Variants in TRMT61B observed in about 807,000 individuals in gnomAD.
TRMT61B encodes the protein tRNA methyltransferase 61B.
Under a neutral mutation model 52.0 loss-of-function variants are expected in TRMT61B, and 56 were observed. That is an observed-to-expected ratio of 1.08 (90% confidence interval 0.87 to 1.35). The LOEUF is 1.35. Ranked by LOEUF, TRMT61B falls within the 40% of genes most tolerant of loss-of-function variation. The pLI is 0.00. For synonymous variants in TRMT61B, 206 were observed against 220.0 expected (o/e 0.94, Z 0.56); for missense variants, 650 against 577.9 (o/e 1.12, Z -1.28).
chr2:28,861,086 T>C (rs1482133079), intron 3 of TRMT61B, 32 bp downstream of exon 3: 3 of 1,539,616 alleles, frequency 1.9e-6, no homozygotes, highest in African/African-American at 1.4e-5. Context: ...ATAGTCAAAG[T>C]AATAACACAG....
intron 3 of TRMT61B, among the ~76,000 whole-genome samples, chr2:28,859,857 T>C (rs1669522673): frequency 6.6e-6 from 1 of 152,168 alleles, no homozygotes; most frequent in African/African-American, 2.4e-5. Flanking sequence ...TTCCCCCTTA[T>C]TGAGCTGTAA....
intron 2 of TRMT61B, among the ~76,000 whole-genome samples, chr2:28,862,205 A>C (rs1257690164): frequency 6.2e-5 from 3 of 48,032 alleles, no homozygotes; most frequent in Non-Finnish European, 1.8e-4. Context: ...ACTCCGTCTC[A>C]AAAAAAAAAA....
intron 2 of TRMT61B, 77 bp from the exon 3 acceptor site, chr2:28,861,385 GTAC>G (rs1461529563): frequency 7.1e-6 from 8 of 1,130,594 alleles, no homozygotes; most frequent in South Asian, 5.4e-5. Context: ...TTTTGCAAAG[GTAC>G]TACATGTATG....
rs571948885 is a variant in TRMT61B at position 28,869,725 on chromosome 2, C to G, written c.553G>C (p.Gly185Arg). Reference protein sequence around the residue: ...NNFGLLNSNWGAVPFGKIVGK... With the variant: ...NNFGLLNSNWRAVPFGKIVGK... ...ACGATCTTGCCGAACGGGACTGCCC[C>G]CCAGTTACTATTTAAGAGTCCGAAG... is the stretch of plus-strand genomic sequence containing the variant. Residue 185 changes from glycine (G) to arginine (R), a missense_variant, in exon 1 of 7, where the codon GGG becomes CGG. Coordinates refer to ENST00000306108, the MANE Select transcript of TRMT61B (RefSeq NM_017910.4). 8.7e-6 allele frequency: 14 copies of G among 1,614,036 alleles called. No homozygotes were observed. Among genetic ancestry groups the G allele is most frequent in the Non-Finnish European group, 1.1e-5 (13 of 1,180,040 alleles).
chr2:28,858,214 G>C (rs1310114529), intron 3 of TRMT61B, among the ~76,000 whole-genome samples: 1 of 151,684 alleles, frequency 6.6e-6, no homozygotes, highest in African/African-American at 2.4e-5. Flanking sequence ...CTAATTTTTT[G>C]TATTTTTAGT....
At chr2:28,861,503 T>G (rs1289960722) in intron 2 of TRMT61B, 195 bp from the exon 3 acceptor site, 1 of 535,740 alleles carries the variant, frequency 1.9e-6, no homozygotes, top group Non-Finnish European at 3.3e-6. Flanking sequence ...TACCAGCTAT[T>G]TACCTTTCCC....
rs1237758041 is a variant in TRMT61B, at chr2:28,852,511, A to G, written c.994-12T>C. 1.3e-6 allele frequency: 2 copies of G among 1,553,842 alleles called. No homozygotes were observed. The highest frequency in any genetic ancestry group is 1.8e-5 in the Admixed American group (1 of 55,418). On this transcript the variant is annotated splice_polypyrimidine_tract_variant and intron_variant, in intron 3 of 6. Transcript: ENST00000306108. ...ATATCCAAAGCTACCTGTGTGGGGG[A>G]AAAAGAGAACTGGATCAGTCTGATT...
Position 28,852,570 on chromosome 2 carries a change from G to A in TRMT61B, c.994-71C>T, listed in dbSNP as rs1669168387. On this transcript the variant is annotated intron_variant, in intron 3 of 6. Transcript: ENST00000306108. ...ATAAAGCATAAGTTTTCTTATTGTG[G>A]TGAAATGACACACTTTTGGACAGCA... 4 of 1,001,214 alleles carry A rather than the reference G, an allele frequency of 4.0e-6. No homozygotes were observed. The Admixed American group carries it at 8.9e-5, about 22-fold the overall frequency. The allele number at this position is 1,001,214 out of a possible 1,614,324, so 62.0% of individuals were successfully genotyped here. A position where few individuals can be genotyped will look rare whatever the true frequency, so the allele number is the denominator to read the frequency against.
intron 3 of TRMT61B, among the ~76,000 whole-genome samples, chr2:28,853,493 T>A (rs554109477): frequency 6.6e-6 from 1 of 152,160 alleles, no homozygotes; most frequent in Admixed American, 6.5e-5. Flanking sequence ...TGAATTTCTA[T>A]TGCCAAAACT....
In TRMT61B at chr2:28,870,026, T is replaced by G. The variant is rs1471908036; in HGVS notation, c.252A>C (p.Ser84=). 6.2e-7 allele frequency: 1 copy of G among 1,613,776 alleles called. No homozygotes were observed. The change falls in exon 1 of 7, where the codon TCA becomes TCC. Residue 84 remains serine, a synonymous_variant. Transcript: ENST00000306108. The stretch of plus-strand genomic sequence containing the variant: ...GCGTCGGCAGTCTGAGGTTTTCCAG[T>G]GACGAAAGACATCCAGTCCCAATGT... ...ISDIGTGCLS[S]LENLRLPTLR...
At chr2:28,850,452 T>C (rs1381046512) in intron 5 of TRMT61B, 47 bp from the exon 6 acceptor site, 2 of 1,300,670 alleles carry the variant, frequency 1.5e-6, no homozygotes, top group Non-Finnish European at 2.1e-6. Flanking sequence ...AAATATTTTC[T>C]ATTTTTTTCA....
At chr2:28,863,401 A>C (rs1468374062) in intron 2 of TRMT61B, among the ~76,000 whole-genome samples, 1 of 151,272 alleles carries the variant, frequency 6.6e-6, no homozygotes, top group East Asian at 1.9e-4. Context: ...ACTGCATTCC[A>C]AACTGGGGAA....
intron 5 of TRMT61B, 37 bp downstream of exon 5, chr2:28,851,035 T>C: frequency 7.3e-7 from 1 of 1,374,096 alleles, no homozygotes; most frequent in South Asian, 1.3e-5. Flanking sequence ...TCATTCTCCA[T>C]TCATTACTGC....
At chr2:28,852,680 T>C (rs1669173734) in intron 3 of TRMT61B, among the ~76,000 whole-genome samples, 181 bp from the exon 4 acceptor site, 1 of 152,062 alleles carries the variant, frequency 6.6e-6, no homozygotes, top group Non-Finnish European at 1.5e-5. Flanking sequence ...ATTATACAGT[T>C]GGGCAATGTG....
intron 2 of TRMT61B, among the ~76,000 whole-genome samples, chr2:28,861,702 T>G (rs1199794618): frequency 1.3e-5 from 2 of 152,270 alleles, no homozygotes; most frequent in Non-Finnish European, 2.9e-5. Context: ...AACATTTAGC[T>G]TGTTTCTAGT....
intron 2 of TRMT61B, among the ~76,000 whole-genome samples, chr2:28,863,983 TA>T (rs1669721398): frequency 6.6e-6 from 1 of 152,178 alleles, no homozygotes; most frequent in African/African-American, 2.4e-5. Flanking sequence ...TCAACTAGCA[TA>T]AAAGTAACTA....
At position 28,869,818 on chromosome 2, in the gene TRMT61B, C is replaced by A; in HGVS notation, c.460G>T (p.Gly154Trp). 1 of 1,614,164 alleles carries A rather than the reference C, an allele frequency of 6.2e-7. No individual in the cohort carries two copies. Among genetic ancestry groups the A allele is most frequent in the Non-Finnish European group, 8.5e-7 (1 of 1,180,022 alleles). The change falls in exon 1 of 7, where the codon GGG (glycine) becomes TGG (tryptophan). Residue 154 changes from glycine (G) to tryptophan (W), a missense_variant. Gly to Trp is a radical substitution (Grantham distance 184). Coordinates refer to ENST00000306108, the MANE Select transcript of TRMT61B (RefSeq NM_017910.4). The stretch of plus-strand genomic sequence containing the variant: ...CCAGTCTCAGCTAAAATCAGTTCCC[C>A]AGCCTGAAAGGGTCTCTCTCTGGAA... ...STSRERPFQA[G>W]ELILAETGEG...
chr2:28,869,794 C>A lies in TRMT61B; in HGVS notation c.484G>T (p.Gly162Trp). 1 of 1,614,188 alleles carries A rather than the reference C, an allele frequency of 6.2e-7. No homozygotes were observed. ...QAGELILAETGEGETKFKKLF... is the reference protein window; with the variant it reads ...QAGELILAETWEGETKFKKLF... Reference sequence around the variant, plus strand: ...TTCTTAAATTTTGTTTCTCCCTCCCCAGTCTCAGCTAAAATCAGTTCCCCA... The same window carrying A: ...TTCTTAAATTTTGTTTCTCCCTCCCAAGTCTCAGCTAAAATCAGTTCCCCA... Residue 162 changes from glycine (G) to tryptophan (W), a missense_variant, in exon 1 of 7, where the codon GGG becomes TGG. Coordinates refer to ENST00000306108, the MANE Select transcript of TRMT61B (RefSeq NM_017910.4).
intron 1 of TRMT61B, among the ~76,000 whole-genome samples, chr2:28,868,871 G>A (rs1423155367): frequency 1.3e-5 from 2 of 152,164 alleles, no homozygotes; most frequent in East Asian, 1.9e-4. Context: ...CGGGGTGGTG[G>A]TGCATGCCTG....
Sources: allele counts gnomAD v4.1 joint callset (sites outside exome capture counted in the v4.1 genomes callset), GRCh38; gene constraint gnomAD v4.1.1; transcripts MANE v1.5; gene names NCBI Gene and HGNC (gene_info 2026-07-23, HGNC 2026-07-21).